PRKAR1B: variants seen among roughly 807,000 people sequenced by gnomAD.
PRKAR1B encodes cAMP-dependent protein kinase type I-beta regulatory subunit.
Under a neutral mutation model 46.5 loss-of-function variants are expected in PRKAR1B, and 22 were observed. The observed-to-expected ratio is 0.47, with a 90% confidence interval of 0.34 to 0.68. The LOEUF (loss-of-function observed/expected upper bound fraction) is 0.68. Ranked by LOEUF, PRKAR1B falls within the 30% of genes least tolerant of loss-of-function variation. The pLI, the probability that PRKAR1B is intolerant of heterozygous loss-of-function variation, is 0.01. For synonymous variants in PRKAR1B, 259 were observed against 217.7 expected, an observed-to-expected ratio of 1.19 and a Z score of -1.67; for missense variants, 445 against 535.6, an observed-to-expected ratio of 0.83 and a Z score of 1.67.
intron 7 of PRKAR1B, among the ~76,000 whole-genome samples, chr7:590,893 G>A (rs1489544370): frequency 6.6e-6 from 1 of 152,214 alleles, no homozygotes; most frequent in Admixed American, 6.5e-5. Context: ...CCCGTCGGCA[G>A]CAGAAAGTGC....
At chr7:647,806 A>G (rs1347998103) in intron 4 of PRKAR1B, among the ~76,000 whole-genome samples, 1 of 121,674 alleles carries the variant, frequency 8.2e-6, no homozygotes, top group Non-Finnish European at 1.7e-5. Context: ...CTTCGTCTCC[A>G]AAAAAAAAAA....
At chr7:655,026 T>C (rs377048375) in intron 4 of PRKAR1B, among the ~76,000 whole-genome samples, 3 of 152,222 alleles carry the variant, frequency 2.0e-5, no homozygotes, top group Non-Finnish European at 4.4e-5. Context: ...CCACTGCCAG[T>C]GGTACTGCCC....
chr7:680,876 C>G, intron 2 of PRKAR1B, 150 bp from the exon 3 acceptor site: 1 of 889,064 alleles, frequency 1.1e-6, no homozygotes, highest in Non-Finnish European at 1.7e-6. Flanking sequence ...GGCTTTGTGT[C>G]CCCACCCAAA....
At chr7:635,505 C>G (rs929499318) in intron 4 of PRKAR1B, among the ~76,000 whole-genome samples, 1 of 152,194 alleles carries the variant, frequency 6.6e-6, no homozygotes, top group Non-Finnish European at 1.5e-5. Flanking sequence ...ACAGTCCTCT[C>G]CTGGCAGACG....
chr7:649,641 C>T (rs1274103519), intron 4 of PRKAR1B, among the ~76,000 whole-genome samples: 1 of 151,962 alleles, frequency 6.6e-6, no homozygotes, highest in Non-Finnish European at 1.5e-5. Context: ...GCAGTGACGA[C>T]CCTGGGTCAC....
chr7:724,890 G>A (rs1375257840), intron 1 of PRKAR1B, among the ~76,000 whole-genome samples: 1 of 152,218 alleles, frequency 6.6e-6, no homozygotes, highest in Non-Finnish European at 1.5e-5. Flanking sequence ...ATGAATGAAG[G>A]TTACTGAATA....
intron 2 of PRKAR1B, among the ~76,000 whole-genome samples, chr7:682,865 G>A (rs973609622): frequency 2.0e-5 from 3 of 152,160 alleles, no homozygotes; most frequent in Non-Finnish European, 2.9e-5. Context: ...GGTCACTCAT[G>A]CCCTATTCAG....
At chr7:612,858 A>ACG (rs1562562882) in intron 4 of PRKAR1B, among the ~76,000 whole-genome samples, 1 of 149,926 alleles carries the variant, frequency 6.7e-6, no homozygotes, top group Non-Finnish European at 1.5e-5. Flanking sequence ...CACTGAAAAG[A>ACG]TGTGTGTGTG....
At chr7:659,968 C>A (rs1435736658) in intron 4 of PRKAR1B, among the ~76,000 whole-genome samples, 3 of 152,062 alleles carry the variant, frequency 2.0e-5, no homozygotes, top group Non-Finnish European at 4.4e-5. Context: ...CCCCAGTGAG[C>A]AGAAAATGTT....
rs1055340196 is a variant in PRKAR1B, at chr7:631,582, C to T, written c.441-24130G>A. Among the ~76,000 whole-genome samples the T allele has an allele frequency of 1.2e-4, 18 of 152,320 alleles. No individual in the cohort carries two copies. In the Middle Eastern group the frequency reaches 0.01, roughly 86 times the overall value. Reference sequence around the variant, plus strand: ...CCACAAAGGTGCTGCGTGGAAAAGCCGGGGCACGGTGTGCAGGCCCACCAC... The same window carrying T: ...CCACAAAGGTGCTGCGTGGAAAAGCTGGGGCACGGTGTGCAGGCCCACCAC... On this transcript the variant is annotated intron_variant, in intron 4 of 10. Transcript: ENST00000537384.
intron 4 of PRKAR1B, among the ~76,000 whole-genome samples, chr7:618,682 G>A (rs1195419577): frequency 2.0e-5 from 3 of 152,098 alleles, no homozygotes; most frequent in African/African-American, 7.2e-5. Flanking sequence ...CTCTTCAAGG[G>A]CTTCTCCTCT....
intron 7 of PRKAR1B, among the ~76,000 whole-genome samples, chr7:591,626 G>T (rs560399620): frequency 1.3e-5 from 2 of 152,194 alleles, no homozygotes; most frequent in Non-Finnish European, 2.9e-5. Context: ...AAGGCGGGAG[G>T]GTCGCTTGAG....
At chr7:662,568 T>A (rs1482073780) in intron 4 of PRKAR1B, among the ~76,000 whole-genome samples, 4 of 117,728 alleles carry the variant, frequency 3.4e-5, no homozygotes. Context: ...CCCCAACAGA[T>A]GCAATTACCT....
chr7:575,690 C>T (rs550254066), intron 9 of PRKAR1B, among the ~76,000 whole-genome samples: 10 of 152,100 alleles, frequency 6.6e-5, no homozygotes, highest in South Asian at 2.1e-4. Flanking sequence ...GGACTACAGG[C>T]GTGCACCACC....
At chr7:552,945 G>C (rs1472451936) in intron 9 of PRKAR1B, among the ~76,000 whole-genome samples, 1 of 152,236 alleles carries the variant, frequency 6.6e-6, no homozygotes, top group African/African-American at 2.4e-5. Flanking sequence ...CCAGATCAAT[G>C]ATTAACACAG....
Position 560,983 on chromosome 7 carries a change from G to C in PRKAR1B, c.892-9513C>G, listed in dbSNP as rs2128425369. ...CACATTTCCTGCCTGTGTGCTTCTG[G>C]ACTTAGGCAGAAGCAGAATCCTATA... On this transcript the variant is annotated intron_variant, in intron 9 of 10. Coordinates refer to ENST00000537384, the MANE Select transcript of PRKAR1B (RefSeq NM_001164760.2). The surrounding 1 kb of genome is among the most constrained non-coding windows in gnomAD (Gnocchi z 4.2). 6.6e-6 allele frequency among the ~76,000 whole-genome samples: 1 copy of C among 152,202 alleles called. No individual in the cohort carries two copies. Among genetic ancestry groups the C allele is most frequent in the Non-Finnish European group, 1.5e-5 (1 of 68,014 alleles).
At position 691,551 on chromosome 7, in the gene PRKAR1B, T is replaced by C; in HGVS notation, c.178-10825A>G. On this transcript the variant is annotated intron_variant, in intron 2 of 10. Coordinates refer to ENST00000537384, the MANE Select transcript of PRKAR1B (RefSeq NM_001164760.2). ...GAGCTGGGCATTACCAGTGGATCCA[T>C]GTCCACACGCCCTTCCGCCTACACG... 6 of 1,304,450 alleles carry C rather than the reference T, an allele frequency of 4.6e-6. 1 individual carries two copies. The South Asian group carries it at 6.2e-5, about 13-fold the overall frequency. 80.8% of individuals were successfully genotyped at this position (1,304,450 alleles called of 1,614,324 possible).
chr7:645,343 G>A (rs1473963311), intron 4 of PRKAR1B, among the ~76,000 whole-genome samples: 1 of 152,154 alleles, frequency 6.6e-6, no homozygotes, highest in Admixed American at 6.6e-5. Context: ...AGATTTCTTA[G>A]AAGAAAGATC....
Position 711,506 on chromosome 7 carries a change from G to GGCGA in PRKAR1B, c.-5_-2dup, listed in dbSNP as rs1204596422. On this transcript the variant is annotated 5_prime_UTR_variant, in exon 2 of 11. Transcript: ENST00000537384. ...AGGGGCAGGCGGGCGGGGAGGCCATGGCGAGGGTGGCTGCTTCCTTCCTGT... is the reference window on the plus strand; with the variant it reads ...AGGGGCAGGCGGGCGGGGAGGCCATGGCGAGCGAGGGTGGCTGCTTCCTTCCTGT... 4.3e-6 allele frequency: 7 copies of GGCGA among 1,612,692 alleles called. No homozygotes were observed. Among genetic ancestry groups the GGCGA allele is most frequent in the Non-Finnish European group, 5.9e-6 (7 of 1,179,404 alleles).
Sources: gnomAD v4.1 joint callset for allele counts (sites outside exome capture counted in the v4.1 genomes callset) on GRCh38, gnomAD v4.1.1 for gene constraint, Gnocchi (gnomAD v3.1) non-coding constraint, MANE v1.5 for transcripts, NCBI Gene and HGNC (gene_info 2026-07-23, HGNC 2026-07-21) for gene names.